The following LRRC4B variants were observed in gnomAD, a reference collection of about 807,000 sequenced individuals.
The protein encoded by LRRC4B is leucine rich repeat containing 4B.
Under a neutral mutation model 7.3 loss-of-function variants are expected in LRRC4B, and 1 was observed. That is an observed-to-expected ratio of 0.14 (90% CI 0.05 to 0.65). LRRC4B has a LOEUF of 0.65. Ranked by LOEUF, LRRC4B falls within the 30% of genes least tolerant of loss-of-function variation. The probability of loss-of-function intolerance (pLI) is 0.84; values close to 1 mark genes in which losing one functional copy is unlikely to be tolerated. For synonymous variants in LRRC4B, 500 were observed against 499.2 expected (o/e 1.00, Z -0.02); for missense variants, 730 against 1,041.6 (o/e 0.70, Z 4.12).
At chr19:50,530,269 G>A (rs1238655108) in intron 2 of LRRC4B, among the ~76,000 whole-genome samples, 1 of 152,140 alleles carries the variant, frequency 6.6e-6, no homozygotes, top group African/African-American at 2.4e-5. Flanking sequence ...GGGCTCCCCA[G>A]TGCCCTCGGG....
intron 1 of LRRC4B, among the ~76,000 whole-genome samples, chr19:50,552,642 A>ATTCG (rs1982125145): frequency 9.7e-6 from 1 of 103,010 alleles, no homozygotes; most frequent in African/African-American, 3.9e-5. Flanking sequence ...CCATCCGCCC[A>ATTCG]TCCGTCCATC....
Position 50,519,134 on chromosome 19 carries a change from C to T in LRRC4B, c.579G>A (p.Lys193=). The stretch of plus-strand genomic sequence containing the variant: ...CCGCCTCCGAGATGTATTCCAGCCG[C>T]TTGAGCTCGCCCAGGTCCAGGCGCC... ...SLRRLDLGEL[K]RLEYISEAAF... Residue 193 remains lysine, a synonymous_variant, in exon 3 of 3, where the codon AAG becomes AAA. Transcript: ENST00000652263. The surrounding 1 kb of genome is among the most constrained non-coding windows in gnomAD (Gnocchi z 8.1). The T allele has an allele frequency of 6.2e-7, 1 of 1,612,810 alleles. No homozygotes were observed. Among genetic ancestry groups the T allele is most frequent in the Non-Finnish European group, 8.5e-7 (1 of 1,179,988 alleles).
At chr19:50,523,850 T>C (rs544096022) in intron 2 of LRRC4B, among the ~76,000 whole-genome samples, 5 of 151,482 alleles carry the variant, frequency 3.3e-5, no homozygotes, top group African/African-American at 1.2e-4. Flanking sequence ...TCCCAGCTAC[T>C]TGGGAGGCTG....
intron 2 of LRRC4B, among the ~76,000 whole-genome samples, chr19:50,538,480 T>C (rs1343034067): frequency 6.6e-6 from 1 of 152,136 alleles, no homozygotes; most frequent in Non-Finnish European, 1.5e-5. Flanking sequence ...TAGTGGGTAA[T>C]TTAAAAGCTA....
At position 50,556,326 on chromosome 19, in the gene LRRC4B, T is replaced by G. The variant is rs1599785094; in HGVS notation, c.-35-7453A>C. ...ACTTGCTTGGAGGGGGGCTGTCCTTTCCCGTGCAGCCACGCCGCTCTCCCC... is the reference window on the plus strand; with the variant it reads ...ACTTGCTTGGAGGGGGGCTGTCCTTGCCCGTGCAGCCACGCCGCTCTCCCC... On this transcript the variant is annotated intron_variant, in intron 1 of 2. Transcript: ENST00000652263. This position sits in a 1 kb window ranked among gnomAD's most constrained non-coding sequence, Gnocchi z 4.2. Among the ~76,000 whole-genome samples the G allele has an allele frequency of 6.6e-6, 1 of 151,770 alleles. No individual in the cohort carries two copies. The highest frequency in any genetic ancestry group is 1.5e-5 in the Non-Finnish European group (1 of 67,908).
intron 2 of LRRC4B, among the ~76,000 whole-genome samples, chr19:50,528,795 G>C (rs892223550): frequency 1.6e-4 from 25 of 152,206 alleles, no homozygotes; most frequent in Non-Finnish European, 3.4e-4. Context: ...TCAGCCTGCA[G>C]GACACAGCCT....
intron 2 of LRRC4B, among the ~76,000 whole-genome samples, chr19:50,543,852 C>CA (rs36044151): frequency 0.18 from 14,561 of 82,914 alleles, 1,301 homozygotes; most frequent in African/African-American, 0.21. Context: ...GCCTCCATCT[C>CA]AAAAAAAAAA....
In LRRC4B at chr19:50,549,838, G is replaced by A. The variant is rs138117776; in HGVS notation, c.-35-965C>T. On this transcript the variant is annotated intron_variant, in intron 1 of 2. Transcript: ENST00000652263. ...GATGGGACTCATGCCAGCTGCTGCCGCAGGACCGAGCTTGGTTCTCGGGGA... is the reference window on the plus strand; with the variant it reads ...GATGGGACTCATGCCAGCTGCTGCCACAGGACCGAGCTTGGTTCTCGGGGA... Among the ~76,000 whole-genome samples the A allele has an allele frequency of 3.8e-3, 574 of 152,232 alleles. 6 individuals carry two copies. Among genetic ancestry groups the A allele is most frequent in the African/African-American group, 0.013 (538 of 41,540 alleles).
chr19:50,547,717 G>A (rs1544764), intron 2 of LRRC4B, among the ~76,000 whole-genome samples: 44,714 of 149,454 alleles, frequency 0.3, 7,035 homozygotes, highest in Admixed American at 0.39. Flanking sequence ...CACCCTGCCC[G>A]CCAAAGGATG....
chr19:50,522,307 G>T (rs1424549786), intron 2 of LRRC4B, among the ~76,000 whole-genome samples: 1 of 152,040 alleles, frequency 6.6e-6, no homozygotes, highest in Non-Finnish European at 1.5e-5. Flanking sequence ...CCTCCAAACT[G>T]CCCTGTGAGA....
intron 2 of LRRC4B, among the ~76,000 whole-genome samples, chr19:50,528,592 G>A (rs376825452): frequency 1.2e-4 from 18 of 152,256 alleles, no homozygotes; most frequent in South Asian, 1.0e-3. Context: ...TGATCTACTC[G>A]CCTTGCCCTC....
At chr19:50,558,641 C>T (rs189876893) in intron 1 of LRRC4B, among the ~76,000 whole-genome samples, 15 of 152,380 alleles carry the variant, frequency 9.8e-5, no homozygotes, top group Non-Finnish European at 1.5e-4. Context: ...CTACGGAGCA[C>T]GTGACGTATG....
chr19:50,562,243 C>T (rs773219732), intron 1 of LRRC4B, among the ~76,000 whole-genome samples: 3 of 152,040 alleles, frequency 2.0e-5, no homozygotes, highest in East Asian at 3.9e-4. Flanking sequence ...ACCTGCAGGG[C>T]GGCCCACACC....
intron 2 of LRRC4B, among the ~76,000 whole-genome samples, chr19:50,528,245 T>C (rs766320414): frequency 2.0e-5 from 3 of 152,028 alleles, no homozygotes; most frequent in Non-Finnish European, 4.4e-5. Flanking sequence ...CTTGCTGTGT[T>C]GCCCAGCCTG....
At chr19:50,521,643 G>A (rs939953096) in intron 2 of LRRC4B, among the ~76,000 whole-genome samples, 1 of 151,902 alleles carries the variant, frequency 6.6e-6, no homozygotes, top group African/African-American at 2.4e-5. Context: ...GGCCAGGCTG[G>A]TCTTGAACTC....
intron 1 of LRRC4B, among the ~76,000 whole-genome samples, chr19:50,554,794 G>A (rs1307709298): frequency 6.6e-6 from 1 of 152,234 alleles, no homozygotes; most frequent in East Asian, 1.9e-4. Flanking sequence ...TAGCAAAGCT[G>A]AGACACACAG....
At chr19:50,539,645 T>C (rs1271671582) in intron 2 of LRRC4B, among the ~76,000 whole-genome samples, 3 of 152,008 alleles carry the variant, frequency 2.0e-5, no homozygotes, top group Admixed American at 6.6e-5. Context: ...TCCCAGCACT[T>C]TGGGAGGCCG....
intron 1 of LRRC4B, among the ~76,000 whole-genome samples, chr19:50,552,755 T>C (rs1982144345): frequency 6.6e-6 from 1 of 151,934 alleles, no homozygotes. Flanking sequence ...CGCCCATCCA[T>C]CCACCCATCC....
At position 50,548,471 on chromosome 19, in the gene LRRC4B, G is replaced by C. The variant is rs1981906550; in HGVS notation, c.297+71C>G. On this transcript the variant is annotated intron_variant, in intron 2 of 2. Transcript: ENST00000652263. The surrounding 1 kb of genome is among the most constrained non-coding windows in gnomAD (Gnocchi z 6.8). ...GCCCCGGTGTGGGGAGGCCCAGAAG[G>C]GATGGGCTACATCTGCATGCCTCCC... 12 of 1,529,496 alleles carry C rather than the reference G, an allele frequency of 7.8e-6. No homozygotes were observed. Among genetic ancestry groups the C allele is most frequent in the Non-Finnish European group, 9.6e-6 (11 of 1,141,396 alleles). The allele number at this position is 1,529,496 out of a possible 1,614,324, so 94.7% of individuals were successfully genotyped here. A position where few individuals can be genotyped will look rare whatever the true frequency, so the allele number is the denominator to read the frequency against.
Sources: gnomAD v4.1 joint callset for allele counts (sites outside exome capture counted in the v4.1 genomes callset) on GRCh38, gnomAD v4.1.1 for gene constraint, Gnocchi (gnomAD v3.1) non-coding constraint, MANE v1.5 for transcripts, NCBI Gene and HGNC (gene_info 2026-07-23, HGNC 2026-07-21) for gene names.